Variants in CREBRF observed in about 807,000 individuals in gnomAD.
CREBRF encodes UPF0474 protein C5orf41.
A neutral mutation model predicts 66.1 loss-of-function variants in CREBRF; 5 were observed. That is an observed-to-expected ratio of 0.08 (90% CI 0.04 to 0.16). The LOEUF is 0.16. Among genes scored for constraint, CREBRF ranks in the 10% least tolerant of loss-of-function variants. CREBRF has a pLI of 1.00. For missense variants in CREBRF, 531 were observed against 744.9 expected (o/e 0.71, Z 3.34); for synonymous variants, 229 against 264.4 (o/e 0.87, Z 1.30).
intron 1 of CREBRF, among the ~76,000 whole-genome samples, chr5:173,077,876 CTTG>C (rs1757813163): frequency 6.6e-6 from 1 of 152,068 alleles, no homozygotes; most frequent in Admixed American, 6.6e-5. Flanking sequence ...AAGGTTCATT[CTTG>C]TTGTAGTGTG....
rs1757548537 is a variant in CREBRF, at chr5:173,069,907, A to T, written c.-191-10678A>T. ...AATCTGAGAAAGGAGGAAGGAAACA[A>T]TTTTTTTTTTTTTTGAGACGGAATC... On this transcript the variant is annotated intron_variant, in intron 1 of 8. Transcript: ENST00000296953. Among the ~76,000 whole-genome samples the T allele has an allele frequency of 2.1e-5, 3 of 145,906 alleles. No homozygotes were observed. In the South Asian group the frequency reaches 6.6e-4, roughly 32 times the overall value.
At chr5:173,124,886 C>G (rs545039016) in intron 8 of CREBRF, among the ~76,000 whole-genome samples, 101 of 147,160 alleles carry the variant, frequency 6.9e-4, no homozygotes, top group African/African-American at 2.5e-3. Flanking sequence ...CTCTTTTCTT[C>G]TTCTTTCTTC....
intron 8 of CREBRF, among the ~76,000 whole-genome samples, chr5:173,126,808 A>G (rs530289203): frequency 3.9e-5 from 6 of 152,306 alleles, no homozygotes; most frequent in African/African-American, 1.4e-4. Context: ...TCCTAGGGAT[A>G]CCTTATCACT....
At chr5:173,130,838 A>G (rs191475325) in intron 8 of CREBRF, among the ~76,000 whole-genome samples, 54 of 152,206 alleles carry the variant, frequency 3.5e-4, no homozygotes, top group Non-Finnish European at 6.6e-4. Context: ...GCTGACTCCC[A>G]AGTCACTGGT....
chr5:173,072,436 C>T (rs568683450), intron 1 of CREBRF, among the ~76,000 whole-genome samples: 8 of 152,168 alleles, frequency 5.3e-5, no homozygotes, highest in Middle Eastern at 3.4e-3. Context: ...CCACCACGCC[C>T]GGCTAATTTT....
chr5:173,120,755 G>A (rs1365272291), intron 7 of CREBRF, among the ~76,000 whole-genome samples: 1 of 123,884 alleles, frequency 8.1e-6, no homozygotes, highest in Admixed American at 1.0e-4. Flanking sequence ...GTGCAGTGGT[G>A]CAATCACAGC....
At position 173,086,654 on chromosome 5, in the gene CREBRF, T is replaced by G. The variant is rs748878172; in HGVS notation, c.135+28T>G. ...AAGCAACATTTTCTTGGTTTTGGTCTTGATTGATTTGGGGTAAAAGTTTGT... is the reference window on the plus strand; with the variant it reads ...AAGCAACATTTTCTTGGTTTTGGTCGTGATTGATTTGGGGTAAAAGTTTGT... On this transcript the variant is annotated intron_variant, in intron 3 of 8. Coordinates refer to ENST00000296953, the MANE Select transcript of CREBRF (RefSeq NM_153607.3). The G allele has an allele frequency of 3.2e-6, 5 of 1,582,956 alleles. 1 individual carries two copies. In the South Asian group the frequency reaches 5.8e-5, roughly 18 times the overall value.
At chr5:173,130,984 G>A (rs1759411811) in intron 8 of CREBRF, among the ~76,000 whole-genome samples, 1 of 152,170 alleles carries the variant, frequency 6.6e-6, no homozygotes, top group Admixed American at 6.5e-5. Flanking sequence ...TGGGATTACG[G>A]GCATGAGCCA....
At chr5:173,116,083 G>C (rs1170516890) in intron 7 of CREBRF, among the ~76,000 whole-genome samples, 1 of 152,202 alleles carries the variant, frequency 6.6e-6, no homozygotes, top group Non-Finnish European at 1.5e-5. Context: ...AGGATTGTTT[G>C]AGACTAGCCT....
chr5:173,117,552 C>CCCTTCCT (rs1388916701), intron 7 of CREBRF, among the ~76,000 whole-genome samples: 3 of 42,752 alleles, frequency 7.0e-5, no homozygotes, highest in African/African-American at 2.2e-4. Flanking sequence ...CTTCCCCTCC[C>CCCTTCCT]CTCTTCCTCC....
chr5:173,086,291 A>T (rs1412550967), intron 2 of CREBRF: 10 of 640,560 alleles, frequency 1.6e-5, no homozygotes, highest in Admixed American at 2.7e-5. Flanking sequence ...GCAGCACTCT[A>T]TTTTTTCTAT....
intron 8 of CREBRF, among the ~76,000 whole-genome samples, chr5:173,125,262 G>A (rs750121642): frequency 6.6e-6 from 1 of 152,146 alleles, no homozygotes; most frequent in African/African-American, 2.4e-5. Flanking sequence ...ATTATTTGCT[G>A]TCATTACTTG....
chr5:173,127,724 C>T lies in CREBRF; in HGVS notation c.1804+4522C>T, dbSNP rs374917242. On this transcript the variant is annotated intron_variant, in intron 8 of 8. Coordinates refer to ENST00000296953, the MANE Select transcript of CREBRF (RefSeq NM_153607.3). ...CCACCCACCTCAGCCTCCCAAAGTG[C>T]TGGGATTACAGGCGTGAGCCACTGC... Among the ~76,000 whole-genome samples the T allele has an allele frequency of 2.0e-4, 30 of 152,248 alleles. No homozygotes were observed. The South Asian group carries it at 5.8e-3, about 29-fold the overall frequency.
At chr5:173,064,993 G>C (rs1258033277) in intron 1 of CREBRF, among the ~76,000 whole-genome samples, 1 of 152,198 alleles carries the variant, frequency 6.6e-6, no homozygotes, top group Non-Finnish European at 1.5e-5. Flanking sequence ...ACAGGTGTGA[G>C]CCACTGTACC....
At chr5:173,059,256 CTTTTTTTTCTTTTTTTTTT>C (rs1471111252) in intron 1 of CREBRF, among the ~76,000 whole-genome samples, 252 of 117,664 alleles carry the variant, frequency 2.1e-3, no homozygotes, top group Admixed American at 3.9e-3. Flanking sequence ...TCTTCTTTTT[CTTTTTTTTCTTTTTTTTTT>C]TTTTTTGAGA....
intron 2 of CREBRF, among the ~76,000 whole-genome samples, chr5:173,081,339 GTT>G (rs765134671): frequency 8.6e-5 from 13 of 152,042 alleles, no homozygotes; most frequent in Non-Finnish European, 1.9e-4. Context: ...ATCAGTTTTG[GTT>G]TTAGGCAATC....
chr5:173,085,240 G>A, intron 2 of CREBRF: 1 of 434,904 alleles, frequency 2.3e-6, no homozygotes. Flanking sequence ...ACTGCCCCCA[G>A]CCTGAATTTT....
At chr5:173,120,879 C>G (rs555094033) in intron 7 of CREBRF, among the ~76,000 whole-genome samples, 2 of 151,030 alleles carry the variant, frequency 1.3e-5, no homozygotes, top group Non-Finnish European at 3.0e-5. Context: ...TTTTATTAGA[C>G]ATGGGGTTTC....
Position 173,091,084 on chromosome 5 carries a change from C to T in CREBRF, c.905C>T (p.Pro302Leu). ...GAAACCCAGGAACTATTACTAAGTC[C>T]CCTGCCCCAGGAAGGTCCTGGGTCA... Reference protein sequence around the residue: ...FKETQELLLSPLPQEGPGSLA... With the variant: ...FKETQELLLSLLPQEGPGSLA... Residue 302 changes from proline (P) to leucine (L), a missense_variant, in exon 4 of 9, where the codon CCC becomes CTC. Transcript: ENST00000296953. 6.2e-7 allele frequency: 1 copy of T among 1,614,158 alleles called. No homozygotes were observed.
Sources: gnomAD v4.1 joint callset for allele counts (sites outside exome capture counted in the v4.1 genomes callset) on GRCh38, gnomAD v4.1.1 for gene constraint, MANE v1.5 for transcripts, NCBI Gene and HGNC (gene_info 2026-07-23, HGNC 2026-07-21) for gene names.